The following GSTO2 variants were observed in gnomAD, a reference collection of about 807,000 sequenced individuals.
GSTO2 encodes the protein glutathione S-transferase omega-2.
GSTO2 carries 23 observed loss-of-function variants against 28.4 expected under a neutral mutation model. The ratio of observed to expected loss-of-function variants is 0.81; its 90% CI spans 0.58 to 1.15. The LOEUF (loss-of-function observed/expected upper bound fraction) is 1.15. Among genes scored for constraint, GSTO2 ranks in the 50% most tolerant of loss-of-function variants. GSTO2 has a pLI of 0.00. For synonymous variants in GSTO2, 109 were observed against 111.0 expected (o/e 0.98, Z 0.11); for missense variants, 298 against 297.8 (o/e 1.00, Z 0.00).
intron 5 of GSTO2, among the ~76,000 whole-genome samples, chr10:104,285,763 T>C (rs915278813): frequency 7.2e-5 from 11 of 152,170 alleles, no homozygotes; most frequent in African/African-American, 2.4e-4. Context: ...CCACTGCACC[T>C]GGTAATCTTA....
At chr10:104,298,444 CTT>C (rs2135151150) in intron 6 of GSTO2, among the ~76,000 whole-genome samples, 1 of 152,336 alleles carries the variant, frequency 6.6e-6, no homozygotes, top group South Asian at 2.1e-4. Context: ...CTTCAGCTCT[CTT>C]TGTCAGGATA....
intron 5 of GSTO2, among the ~76,000 whole-genome samples, chr10:104,290,280 C>A (rs183495130): frequency 2.6e-5 from 4 of 152,220 alleles, no homozygotes; most frequent in African/African-American, 9.6e-5. Context: ...CCAAGGCTAG[C>A]GGATCACTTA....
intron 6 of GSTO2, among the ~76,000 whole-genome samples, chr10:104,298,205 A>C (rs2013134788): frequency 6.6e-6 from 1 of 152,254 alleles, no homozygotes; most frequent in African/African-American, 2.4e-5. Flanking sequence ...AGGGACATTA[A>C]AGGAGAAGAA....
Position 104,299,442 on chromosome 10 carries a change from A to G in GSTO2, c.*158A>G. ...TATTCTTCTGATAATCATTTGTCTG[A>G]CTCCTCTAGCCTGTAGCTGCTGCTA... is the stretch of plus-strand genomic sequence containing the variant. On this transcript the variant is annotated 3_prime_UTR_variant, in exon 7 of 7. Transcript: ENST00000338595. The G allele has an allele frequency of 1.2e-6, 1 of 826,434 alleles. No individual in the cohort carries two copies. The highest frequency in any genetic ancestry group is 1.9e-6 in the Non-Finnish European group (1 of 533,638). The allele number at this position is 826,434 out of a possible 1,614,324, so 51.2% of individuals were successfully genotyped here. A position where few individuals can be genotyped will look rare whatever the true frequency, so the allele number is the denominator to read the frequency against.
At chr10:104,269,602 T>C (rs45605238) in intron 1 of GSTO2, among the ~76,000 whole-genome samples, 47 of 152,316 alleles carry the variant, frequency 3.1e-4, no homozygotes, top group African/African-American at 1.1e-3. Flanking sequence ...GAGTCCCACG[T>C]GTTTACGTGT....
intron 1 of GSTO2, among the ~76,000 whole-genome samples, chr10:104,271,760 A>G (rs1387953550): frequency 6.6e-6 from 1 of 152,226 alleles, no homozygotes; most frequent in Non-Finnish European, 1.5e-5. Context: ...AGTTTCTTTT[A>G]AAAGGTGGGA....
At position 104,278,925 on chromosome 10, in the gene GSTO2, A is replaced by G. The variant is rs17116796; in HGVS notation, c.367-445A>G. Among the ~76,000 whole-genome samples, 1,497 of 152,348 alleles carry G rather than the reference A, an allele frequency of 9.8e-3. 28 individuals are homozygous for G. The highest frequency in any genetic ancestry group is 0.034 in the African/African-American group (1,432 of 41,584). ...TGAAAAGGAATTTTTAAAAACCTCA[A>G]TGATATTAACAGCTGACATATATCG... On this transcript the variant is annotated intron_variant, in intron 4 of 6. Transcript: ENST00000338595.
At chr10:104,289,125 G>A (rs1053714541) in intron 5 of GSTO2, among the ~76,000 whole-genome samples, 1 of 152,018 alleles carries the variant, frequency 6.6e-6, no homozygotes, top group African/African-American at 2.4e-5. Flanking sequence ...TTGAGACAGG[G>A]TCTCACTCTG....
chr10:104,279,414 G>C lies in GSTO2; in HGVS notation c.411G>C (p.Gly137=). Residue 137 remains glycine (G), a synonymous_variant, in exon 5 of 7, where the codon GGG becomes GGC. Transcript: ENST00000338595. ...TKECLVALRC[G]RECTNLKAAL... ...AGTGCCTGGTAGCGTTGAGATGTGG[G>C]AGAGAATGCACTAATCTGAAGGCAG... The C allele has an allele frequency of 6.2e-7, 1 of 1,614,086 alleles. No homozygotes were observed. The highest frequency in any genetic ancestry group is 1.7e-5 in the Admixed American group (1 of 60,020).
intron 3 of GSTO2, among the ~76,000 whole-genome samples, chr10:104,277,049 C>T (rs1360646612): frequency 6.6e-6 from 1 of 152,116 alleles, no homozygotes; most frequent in African/African-American, 2.4e-5. Flanking sequence ...TAATTATTAG[C>T]CCCATTTTAT....
intron 5 of GSTO2, 57 bp downstream of exon 5, chr10:104,279,528 G>C: frequency 8.3e-7 from 1 of 1,206,332 alleles, no homozygotes; most frequent in Non-Finnish European, 1.2e-6. Context: ...AGGCAGGGTC[G>C]CTAACCTGGT....
chr10:104,275,112 T>C, intron 2 of GSTO2, 114 bp from the exon 3 acceptor site: 1 of 1,515,730 alleles, frequency 6.6e-7, no homozygotes, highest in Middle Eastern at 2.0e-4. Flanking sequence ...TCTCTGGGAC[T>C]TGGGAGTTGG....
chr10:104,281,829 G>C (rs1030362993), intron 5 of GSTO2, among the ~76,000 whole-genome samples: 1 of 152,142 alleles, frequency 6.6e-6, no homozygotes, highest in African/African-American at 2.4e-5. Context: ...TTGAGTGCTA[G>C]GCTGGAGACA....
chr10:104,300,354 C>T lies in GSTO2; in HGVS notation c.*1070C>T, dbSNP rs1440213047. 6.6e-6 allele frequency: 1 copy of T among 152,260 alleles called. No individual in the cohort carries two copies. Among genetic ancestry groups the T allele is most frequent in the East Asian group, 1.9e-4 (1 of 5,192 alleles). 9.4% of individuals were successfully genotyped at this position (152,260 alleles called of 1,614,324 possible). ...CTCTTCCAATTCATCTCAACAAATG[C>T]CTCTGGTTGCCTGTTGTGTACCAAG... On this transcript the variant is annotated 3_prime_UTR_variant, in exon 7 of 7. Coordinates refer to ENST00000338595, the MANE Select transcript of GSTO2 (RefSeq NM_183239.2).
intron 5 of GSTO2, among the ~76,000 whole-genome samples, chr10:104,282,225 CAA>C (rs71022727): frequency 1.5e-4 from 13 of 88,942 alleles, no homozygotes; most frequent in Admixed American, 2.8e-4. Context: ...GACTCTGTTT[CAA>C]AAAAAAAAAA....
intron 5 of GSTO2, among the ~76,000 whole-genome samples, chr10:104,288,903 G>A (rs181668816): frequency 6.6e-6 from 1 of 152,166 alleles, no homozygotes; most frequent in Admixed American, 6.5e-5. Flanking sequence ...GTGCTATAAG[G>A]CTTTCCTTAT....
intron 5 of GSTO2, among the ~76,000 whole-genome samples, chr10:104,289,461 G>A (rs189976368): frequency 6.6e-6 from 1 of 152,326 alleles, no homozygotes; most frequent in Non-Finnish European, 1.5e-5. Flanking sequence ...AATTTTCAGA[G>A]TGGTCCTTTA....
chr10:104,271,514 A>C (rs2011405806), intron 1 of GSTO2, among the ~76,000 whole-genome samples: 3 of 152,120 alleles, frequency 2.0e-5, no homozygotes, highest in Non-Finnish European at 4.4e-5. Context: ...GCAGGTGAGG[A>C]AAGTGAAATC....
At chr10:104,290,271 C>T (rs556312868) in intron 5 of GSTO2, among the ~76,000 whole-genome samples, 2 of 152,260 alleles carry the variant, frequency 1.3e-5, no homozygotes, top group Admixed American at 1.3e-4. Flanking sequence ...TTTGGGAGGC[C>T]AAGGCTAGCG....
Sources: allele counts gnomAD v4.1 joint callset (sites outside exome capture counted in the v4.1 genomes callset), GRCh38; gene constraint gnomAD v4.1.1; transcripts MANE v1.5; gene names NCBI Gene and HGNC (gene_info 2026-07-23, HGNC 2026-07-21).